CUL1: variants seen among roughly 807,000 people sequenced by gnomAD.
CUL1 encodes the protein cullin-1.
In CUL1, 24 loss-of-function variants were observed where a neutral mutation model predicts 118.0. The ratio of observed to expected loss-of-function variants is 0.20; its 90% CI spans 0.15 to 0.29. CUL1 has a LOEUF of 0.29. Ranked by LOEUF, CUL1 falls within the 10% of genes least tolerant of loss-of-function variation. The pLI is 1.00. For synonymous variants in CUL1, 332 were observed against 340.4 expected, an observed-to-expected ratio of 0.98 and a Z score of 0.27; for missense variants, 361 against 933.8, an observed-to-expected ratio of 0.39 and a Z score of 7.99.
intron 17 of CUL1, 56 bp from the exon 18 acceptor site, chr7:148,797,756 A>G (rs1801255771): frequency 7.5e-7 from 1 of 1,324,770 alleles, no homozygotes; most frequent in Non-Finnish European, 1.1e-6. Flanking sequence ...TGTGGTGGTT[A>G]TTGCAAAGAA....
chr7:148,761,919 A>T (rs1799844123), intron 7 of CUL1, among the ~76,000 whole-genome samples: 1 of 152,142 alleles, frequency 6.6e-6, no homozygotes, highest in African/African-American at 2.4e-5. Flanking sequence ...TGCAACATAG[A>T]TCCCTCACGT....
chr7:148,719,673 G>A (rs1798336802), intron 1 of CUL1, among the ~76,000 whole-genome samples: 1 of 152,200 alleles, frequency 6.6e-6, no homozygotes, highest in Non-Finnish European at 1.5e-5. Flanking sequence ...AGTAACCAGC[G>A]AAGATCCAAC....
At chr7:148,769,792 G>A (rs1435138688) in intron 9 of CUL1, among the ~76,000 whole-genome samples, 1 of 152,120 alleles carries the variant, frequency 6.6e-6, no homozygotes, top group Non-Finnish European at 1.5e-5. Flanking sequence ...CTACTCAGAA[G>A]CCTGAGGCAG....
chr7:148,709,812 GGTGGC>G (rs1209073229), intron 1 of CUL1, among the ~76,000 whole-genome samples: 1 of 152,186 alleles, frequency 6.6e-6, no homozygotes, highest in Non-Finnish European at 1.5e-5. Flanking sequence ...TGCCAGGCGT[GGTGGC>G]TCACGTCTGT....
At chr7:148,730,558 T>G (rs1161374809) in intron 2 of CUL1, among the ~76,000 whole-genome samples, 1 of 152,162 alleles carries the variant, frequency 6.6e-6, no homozygotes, top group South Asian at 2.1e-4. Context: ...ATTTCTGTCA[T>G]GTAGAAGGTT....
chr7:148,713,035 T>A (rs1274478926), intron 1 of CUL1, among the ~76,000 whole-genome samples: 1 of 152,204 alleles, frequency 6.6e-6, no homozygotes, highest in African/African-American at 2.4e-5. Flanking sequence ...TTTTAAAAAG[T>A]TCCAGTTCCC....
intron 9 of CUL1, among the ~76,000 whole-genome samples, chr7:148,781,721 C>T (rs1165921242): frequency 6.6e-6 from 1 of 152,134 alleles, no homozygotes; most frequent in Non-Finnish European, 1.5e-5. Context: ...TTGAGGCTGG[C>T]GTTTTCGGGA....
intron 12 of CUL1, 146 bp downstream of exon 12, chr7:148,786,745 T>G: frequency 1.2e-6 from 1 of 818,642 alleles, no homozygotes; most frequent in South Asian, 1.8e-5. Context: ...CTAAATTGAG[T>G]TACTACTTTT....
At chr7:148,745,808 G>A (rs575674218) in intron 2 of CUL1, among the ~76,000 whole-genome samples, 158 of 152,288 alleles carry the variant, frequency 1.0e-3, no homozygotes, top group Non-Finnish European at 1.9e-3. Context: ...CACTATGGGT[G>A]GGGAGGGTGG....
chr7:148,746,969 G>A (rs779988997), intron 2 of CUL1, among the ~76,000 whole-genome samples: 87 of 152,250 alleles, frequency 5.7e-4, no homozygotes, highest in Admixed American at 3.8e-3. Context: ...AGCTTGTTAC[G>A]AGTTTTTTGC....
At position 148,726,270 on chromosome 7, in the gene CUL1, T is replaced by A. The variant is rs907888629; in HGVS notation, c.-161-3692T>A. 1.6e-4 allele frequency among the ~76,000 whole-genome samples: 25 copies of A among 152,320 alleles called. 3 individuals carry two copies. The highest frequency in any genetic ancestry group is 1.3e-3 in the Admixed American group (20 of 15,300). On this transcript the variant is annotated intron_variant, in intron 1 of 21. Coordinates refer to ENST00000325222, the MANE Select transcript of CUL1 (RefSeq NM_003592.3). ...GAGGTGTTATGGAGAAAAATCCACA[T>A]TGACCATTTTATTTGGTATATTTTA...
chr7:148,793,577 CA>C (rs1166188851), intron 17 of CUL1, among the ~76,000 whole-genome samples: 1 of 152,210 alleles, frequency 6.6e-6, no homozygotes, highest in Non-Finnish European at 1.5e-5. Context: ...TTCTTTCCCT[CA>C]GTGTATACTG....
intron 1 of CUL1, among the ~76,000 whole-genome samples, chr7:148,711,516 CA>C (rs1187689189): frequency 6.6e-6 from 1 of 152,090 alleles, no homozygotes; most frequent in Non-Finnish European, 1.5e-5. Context: ...GTCTTTAAAA[CA>C]AAAAACATAA....
chr7:148,707,223 T>A (rs1256155307), intron 1 of CUL1, among the ~76,000 whole-genome samples: 1 of 152,156 alleles, frequency 6.6e-6, no homozygotes, highest in African/African-American at 2.4e-5. Context: ...GATGTGTTCA[T>A]TTTTTTCTCT....
At chr7:148,733,435 C>T (rs934980074) in intron 2 of CUL1, among the ~76,000 whole-genome samples, 3 of 152,170 alleles carry the variant, frequency 2.0e-5, no homozygotes, top group African/African-American at 7.2e-5. Context: ...CACTTAAAGC[C>T]ATTTACGCAT....
At chr7:148,711,653 CAG>C (rs72262998) in intron 1 of CUL1, among the ~76,000 whole-genome samples, 3,806 of 152,198 alleles carry the variant, frequency 0.025, 125 homozygotes, top group African/African-American at 0.077. Flanking sequence ...GTTTTCGACT[CAG>C]GGTTAAATTA....
rs2129463169 is a variant in CUL1, at chr7:148,790,390, G to A, written c.1755G>A (p.Leu585=). Residue 585 remains leucine (L), a synonymous_variant, in exon 16 of 22, where the codon TTG becomes TTA. Transcript: ENST00000325222. The part of the protein sequence containing the change: ...SGRKLTWLYQ[L]SKGELVTNCF... ...GAAAATTGACGTGGTTATATCAGTT[G>A]TCTAAAGGAGAATTGGTAACTAACT... The A allele has an allele frequency of 6.2e-7, 1 of 1,614,028 alleles. No individual in the cohort carries two copies. The highest frequency in any genetic ancestry group is 2.2e-5 in the East Asian group (1 of 44,888).
At chr7:148,765,057 G>C (rs901459454) in intron 7 of CUL1, among the ~76,000 whole-genome samples, 39 of 151,914 alleles carry the variant, frequency 2.6e-4, no homozygotes, top group Non-Finnish European at 4.4e-4. Flanking sequence ...GTTTTTATTT[G>C]GTTGTACTCA....
At position 148,800,338 on chromosome 7, in the gene CUL1, A is replaced by G. The variant is rs1297543479; in HGVS notation, c.2251-164A>G. Among the ~76,000 whole-genome samples, 3 of 152,236 alleles carry G rather than the reference A, an allele frequency of 2.0e-5. No homozygotes were observed. Among genetic ancestry groups the G allele is most frequent in the African/African-American group, 7.2e-5 (3 of 41,454 alleles). On this transcript the variant is annotated intron_variant, in intron 21 of 21. Coordinates refer to ENST00000325222, the MANE Select transcript of CUL1 (RefSeq NM_003592.3). This position sits in a 1 kb window ranked among gnomAD's most constrained non-coding sequence, Gnocchi z 4.6. Reference sequence around the variant, plus strand: ...CTCCGTGCATGAAGGCTTAGCTGCCAGGAAGTAAAACTCTATGCTAACAGA... The same window carrying G: ...CTCCGTGCATGAAGGCTTAGCTGCCGGGAAGTAAAACTCTATGCTAACAGA...
Sources: allele counts gnomAD v4.1 joint callset (sites outside exome capture counted in the v4.1 genomes callset), GRCh38; gene constraint gnomAD v4.1.1; non-coding constraint Gnocchi (gnomAD v3.1); transcripts MANE v1.5; gene names NCBI Gene and HGNC (gene_info 2026-07-23, HGNC 2026-07-21).